The following ENTREP2 variants were observed in gnomAD, a reference collection of about 807,000 sequenced individuals.
ENTREP2 encodes endosomal transmembrane epsin interactor 2.
At chr15:29,244,543 G>T in the ENTREP2 span, among the ~76,000 whole-genome samples, 1 of 152,250 alleles carries the variant, frequency 6.6e-6, no homozygotes, top group South Asian at 2.1e-4. Context: ...GGACACTGCA[G>T]CGTTGAGATG....
the ENTREP2 span, among the ~76,000 whole-genome samples, chr15:29,630,064 C>T: frequency 1.3e-5 from 2 of 152,026 alleles, no homozygotes; most frequent in African/African-American, 4.8e-5. Flanking sequence ...TGCAGTGAGC[C>T]GAGAGCATGC....
At chr15:29,197,764 T>A in the ENTREP2 span, among the ~76,000 whole-genome samples, 33 of 141,180 alleles carry the variant, frequency 2.3e-4, no homozygotes, top group Admixed American at 2.2e-3. Flanking sequence ...AGACTCCATC[T>A]CAAAAAAAAA....
At chr15:29,306,358 G>A in the ENTREP2 span, among the ~76,000 whole-genome samples, 1 of 152,156 alleles carries the variant, frequency 6.6e-6, no homozygotes, top group Non-Finnish European at 1.5e-5. Flanking sequence ...GGGGTGCAAG[G>A]CGGTGCACCT....
the ENTREP2 span, among the ~76,000 whole-genome samples, chr15:29,233,056 G>GT: frequency 2.0e-5 from 3 of 152,254 alleles, no homozygotes; most frequent in African/African-American, 7.2e-5. Context: ...TCTCTGTGCT[G>GT]TATTTGATCT....
chr15:29,621,518 G>A, the ENTREP2 span, among the ~76,000 whole-genome samples: 1 of 69,570 alleles, frequency 1.4e-5, no homozygotes, highest in Non-Finnish European at 2.4e-5. Flanking sequence ...GTGAGACTCT[G>A]TCTCAAAAAA....
the ENTREP2 span, chr15:29,373,871 T>C: frequency 6.6e-6 from 1 of 151,842 alleles, no homozygotes; most frequent in Non-Finnish European, 1.5e-5. Flanking sequence ...GAAATATTAG[T>C]GAATGGAGCA....
At chr15:29,478,017 A>ATT in the ENTREP2 span, among the ~76,000 whole-genome samples, 862 of 56,894 alleles carry the variant, frequency 0.015, 15 homozygotes, top group Non-Finnish European at 0.02. Context: ...ATATATATAT[A>ATT]TATTTTTTTT....
At chr15:29,141,090 T>G in the ENTREP2 span, among the ~76,000 whole-genome samples, 3 of 152,080 alleles carry the variant, frequency 2.0e-5, no homozygotes, top group Non-Finnish European at 4.4e-5. Context: ...CACGTGGAAG[T>G]GATGGAGGAT....
chr15:29,196,083 T>A, the ENTREP2 span, among the ~76,000 whole-genome samples: 1 of 151,920 alleles, frequency 6.6e-6, no homozygotes, highest in Non-Finnish European at 1.5e-5. Context: ...GCAAAATAAA[T>A]CCCCATTTGT....
the ENTREP2 span, among the ~76,000 whole-genome samples, chr15:29,540,992 A>G: frequency 6.6e-6 from 1 of 152,334 alleles, no homozygotes; most frequent in Middle Eastern, 3.4e-3. Context: ...ATTTTTTAAA[A>G]TAACAACGCC....
chr15:29,162,325 G>C, the ENTREP2 span, among the ~76,000 whole-genome samples: 1 of 152,192 alleles, frequency 6.6e-6, no homozygotes, highest in Non-Finnish European at 1.5e-5. Context: ...AGAACTCGGG[G>C]GAGGGCGCAA....
At chr15:29,518,498 A>G in the ENTREP2 span, among the ~76,000 whole-genome samples, 1 of 152,220 alleles carries the variant, frequency 6.6e-6, no homozygotes, top group African/African-American at 2.4e-5. Context: ...AAGGAAAAGG[A>G]GGCGTGCCAT....
the ENTREP2 span, among the ~76,000 whole-genome samples, chr15:29,422,294 AG>A: frequency 6.6e-6 from 1 of 152,208 alleles, no homozygotes; most frequent in Admixed American, 6.5e-5. Flanking sequence ...AAAGAAAAAA[AG>A]AAAAAAAAGA....
the ENTREP2 span, among the ~76,000 whole-genome samples, chr15:29,295,559 C>G: frequency 6.6e-6 from 1 of 152,322 alleles, no homozygotes; most frequent in Admixed American, 6.5e-5. Context: ...TACTTACATA[C>G]ATATGATACA....
At chr15:29,639,748 C>A in the ENTREP2 span, among the ~76,000 whole-genome samples, 1 of 147,456 alleles carries the variant, frequency 6.8e-6, no homozygotes, top group African/African-American at 2.5e-5. Flanking sequence ...TCAACAAAAT[C>A]AAAAGTTGGT....
the ENTREP2 span, among the ~76,000 whole-genome samples, chr15:29,444,378 G>A: frequency 3.3e-5 from 5 of 152,128 alleles, no homozygotes; most frequent in African/African-American, 1.2e-4. Flanking sequence ...GGATAAAAAG[G>A]AAAGTGGTTT....
chr15:29,151,873 T>C, the ENTREP2 span: 33 of 1,500,832 alleles, frequency 2.2e-5, no homozygotes, highest in Non-Finnish European at 3.0e-5. Context: ...AATGTCAGCC[T>C]CATCCCGAAA....
the ENTREP2 span, among the ~76,000 whole-genome samples, chr15:29,620,323 G>C: frequency 6.6e-6 from 1 of 152,100 alleles, no homozygotes; most frequent in Non-Finnish European, 1.5e-5. Context: ...GGAGAAACCG[G>C]GGGGAAGTGG....
chr15:29,400,241 A>G, the ENTREP2 span, among the ~76,000 whole-genome samples: 23 of 152,326 alleles, frequency 1.5e-4, no homozygotes, highest in African/African-American at 4.3e-4. Flanking sequence ...CAGCTTTCCT[A>G]CATATGTGCA....
Sources: allele counts gnomAD v4.1 joint callset (sites outside exome capture counted in the v4.1 genomes callset), GRCh38; gene constraint gnomAD v4.1.1; transcripts MANE v1.5; gene names NCBI Gene and HGNC (gene_info 2026-07-23, HGNC 2026-07-21).